Variants in DHRS11 observed in about 807,000 individuals in gnomAD.
DHRS11 encodes the protein dehydrogenase/reductase 11, also known as dehydrogenase/reductase SDR family member 11.
A neutral mutation model predicts 30.7 loss-of-function variants in DHRS11; 18 were observed. The observed-to-expected ratio is 0.59, with a 90% CI of 0.41 to 0.87. The LOEUF (loss-of-function observed/expected upper bound fraction) is 0.87, where lower values mean the gene tolerates loss of function less well. Ranked by LOEUF, DHRS11 falls within the 40% of genes least tolerant of loss-of-function variation. The pLI is 0.00. For missense variants in DHRS11, 300 were observed against 349.0 expected (o/e 0.86, Z 1.12); for synonymous variants, 123 against 139.6 (o/e 0.88, Z 0.84).
chr17:36,599,837 C>T (rs901904485), intron 5 of DHRS11, 74 bp downstream of exon 5: 2 of 1,596,264 alleles, frequency 1.3e-6, no homozygotes, highest in South Asian at 1.1e-5. Context: ...GGCCTTCAGA[C>T]TCCACTCTTC....
At chr17:36,598,694 G>A in intron 3 of DHRS11, 1 of 558,060 alleles carries the variant, frequency 1.8e-6, no homozygotes, top group Non-Finnish European at 3.2e-6. Flanking sequence ...CCAGGAGAGT[G>A]CATTCTGTCG....
rs573743009 is a variant in DHRS11, at chr17:36,600,660, CCTT to C, written c.*460_*462del. On this transcript the variant is annotated 3_prime_UTR_variant, in exon 7 of 7. Transcript: ENST00000618403. ...TGCACCCTCTCCCCCTTATCTATCT[CCTT>C]CTCGGCTCCCCAGCCCAGTCTTGGC... 9.2e-4 allele frequency: 197 copies of C among 214,432 alleles called. 2 individuals carry two copies. The highest frequency in any genetic ancestry group is 4.2e-3 in the African/African-American group (180 of 43,094). The allele number at this position is 214,432 out of a possible 1,614,324, so 13.3% of individuals were successfully genotyped here.
chr17:36,593,808 A>C (rs1027237562), intron 1 of DHRS11, among the ~76,000 whole-genome samples: 1 of 152,100 alleles, frequency 6.6e-6, no homozygotes, highest in Non-Finnish European at 1.5e-5. Context: ...AGGGCACCGC[A>C]CGCCCCTTCC....
chr17:36,598,854 G>A (rs1447580910), intron 3 of DHRS11, 67 bp from the exon 4 acceptor site: 69 of 1,547,544 alleles, frequency 4.5e-5, no homozygotes, highest in Admixed American at 1.4e-4. Context: ...GACCGGGTAC[G>A]GCAGGAGCAC....
intron 3 of DHRS11, chr17:36,598,671 A>T: frequency 1.8e-6 from 1 of 541,772 alleles, no homozygotes; most frequent in South Asian, 2.5e-5. Context: ...GAGAATTCTG[A>T]CATTCTGCAC....
rs1459151326 is a variant in DHRS11, at chr17:36,592,223, C to T, written c.147+67C>T. ...TTCCCCGGAGTCGGGTTCACCTGCCCGCCACGCCGGGGCCCTTTGCTCTAG... is the reference window on the plus strand; with the variant it reads ...TTCCCCGGAGTCGGGTTCACCTGCCTGCCACGCCGGGGCCCTTTGCTCTAG... On this transcript the variant is annotated intron_variant, in intron 1 of 6. Transcript: ENST00000618403. This position sits in a 1 kb window ranked among gnomAD's most constrained non-coding sequence, Gnocchi z 4.4. 3 of 1,233,470 alleles carry T rather than the reference C, an allele frequency of 2.4e-6. No homozygotes were observed. The highest frequency in any genetic ancestry group is 6.3e-5 in the East Asian group (2 of 31,700). 76.4% of individuals were successfully genotyped at this position (1,233,470 alleles called of 1,614,324 possible). A position where few individuals can be genotyped will look rare whatever the true frequency, so the allele number is the denominator to read the frequency against.
rs1031430597 is a variant in DHRS11 at position 36,597,810 on chromosome 17, A to G, written c.358-353A>G. 14 of 376,468 alleles carry G rather than the reference A, an allele frequency of 3.7e-5. 1 individual carries two copies. The highest frequency in any genetic ancestry group is 6.3e-5 in the Non-Finnish European group (13 of 206,418). The allele number at this position is 376,468 out of a possible 1,614,324, so 23.3% of individuals were successfully genotyped here. Reference sequence around the variant, plus strand: ...TAGGGTATTTGGGGGAAGAAATGGAAATGATTCCCTATGGAATTAGAGGGT... The same window carrying G: ...TAGGGTATTTGGGGGAAGAAATGGAGATGATTCCCTATGGAATTAGAGGGT... On this transcript the variant is annotated intron_variant, in intron 2 of 6. Transcript: ENST00000618403.
chr17:36,599,698 C>A lies in DHRS11; in HGVS notation c.610C>A (p.Gln204Lys), dbSNP rs753323059. 3.1e-6 allele frequency: 5 copies of A among 1,614,064 alleles called. No individual in the cohort carries two copies. Among genetic ancestry groups the A allele is most frequent in the Non-Finnish European group, 4.2e-6 (5 of 1,180,040 alleles). ...CATCTCTCCAGGTGTGGTGGAGACA[C>A]AATTCGCCTTCAAACTCCACGACAA... ...TCISPGVVET[Q>K]FAFKLHDKDP... Residue 204 changes from glutamine (Q) to lysine (K), a missense_variant, in exon 5 of 7, where the codon CAA becomes AAA. Transcript: ENST00000618403.
chr17:36,600,789 G>A lies in DHRS11; in HGVS notation c.*586G>A, dbSNP rs2074854367. ...GGATTTCATGGTGATCATTAAAAAAGAAAAATCGCAACCAATCTGCCTTGG... is the reference window on the plus strand; with the variant it reads ...GGATTTCATGGTGATCATTAAAAAAAAAAAATCGCAACCAATCTGCCTTGG... On this transcript the variant is annotated 3_prime_UTR_variant, in exon 7 of 7. Transcript: ENST00000618403. 1.3e-5 allele frequency: 2 copies of A among 154,654 alleles called. No individual in the cohort carries two copies. The highest frequency in any genetic ancestry group is 2.9e-5 in the Non-Finnish European group (2 of 69,794). 9.6% of individuals were successfully genotyped at this position (154,654 alleles called of 1,614,324 possible). A position where few individuals can be genotyped will look rare whatever the true frequency, so the allele number is the denominator to read the frequency against.
intron 2 of DHRS11, 55 bp downstream of exon 2, chr17:36,595,235 G>T: frequency 6.2e-7 from 1 of 1,601,038 alleles, no homozygotes; most frequent in Non-Finnish European, 8.5e-7. Context: ...AGAGAGGGGA[G>T]CCAGGGGTTT....
At chr17:36,599,950 C>A (rs1298392086) in intron 5 of DHRS11, 22 bp from the exon 6 acceptor site, 1 of 1,612,986 alleles carries the variant, frequency 6.2e-7, no homozygotes, top group Non-Finnish European at 8.5e-7. Context: ...CTTGTCTCAA[C>A]CCATTCCCCT....
intron 1 of DHRS11, among the ~76,000 whole-genome samples, chr17:36,593,734 T>C (rs1476720122): frequency 6.6e-6 from 1 of 152,214 alleles, no homozygotes; most frequent in Non-Finnish European, 1.5e-5. Context: ...CCTTTATTCC[T>C]GGCTCAGCTT....
intron 1 of DHRS11, 170 bp from the exon 2 acceptor site, chr17:36,594,801 G>A: frequency 3.1e-6 from 2 of 652,668 alleles, no homozygotes; most frequent in Non-Finnish European, 5.4e-6. Flanking sequence ...CTTAGACTTT[G>A]ACCAAAGAGG....
At chr17:36,599,826 C>T (rs1014612084) in intron 5 of DHRS11, 63 bp downstream of exon 5, 22 of 1,603,696 alleles carry the variant, frequency 1.4e-5, no homozygotes, top group Admixed American at 6.7e-5. Flanking sequence ...GAGGGAAGCT[C>T]GGCCTTCAGA....
Position 36,592,165 on chromosome 17 carries a change from G to C in DHRS11, c.147+9G>C. 7.8e-7 allele frequency: 1 copy of C among 1,276,450 alleles called. No individual in the cohort carries two copies. Among genetic ancestry groups the C allele is most frequent in the African/African-American group, 1.5e-5 (1 of 65,984 alleles). 79.1% of individuals were successfully genotyped at this position (1,276,450 alleles called of 1,614,324 possible). On this transcript the variant is annotated intron_variant, in intron 1 of 6. Transcript: ENST00000618403. The surrounding 1 kb of genome is among the most constrained non-coding windows in gnomAD (Gnocchi z 4.4). ...CTGTGGGCAACATCGAGGTGAGGCC[G>C]GGCCGAGGGCGGGGACGTCGCGGGC...
rs1292554434 is a variant in DHRS11, at chr17:36,599,543, A to T, written c.583-128A>T. 4.6e-6 allele frequency: 4 copies of T among 864,430 alleles called. No homozygotes were observed. The Admixed American group carries it at 8.8e-5, about 19-fold the overall frequency. 53.5% of individuals were successfully genotyped at this position (864,430 alleles called of 1,614,324 possible). On this transcript the variant is annotated intron_variant, in intron 4 of 6. Coordinates refer to ENST00000618403, the MANE Select transcript of DHRS11 (RefSeq NM_024308.4). ...TGCCAGTGGCAGCTTCGGAGGGAGG[A>T]GGCCGCTGCCGGATATCAGGCAGCC...
intron 2 of DHRS11, chr17:36,597,335 T>C: frequency 6.1e-6 from 1 of 163,192 alleles, no homozygotes; most frequent in Non-Finnish European, 1.3e-5. Context: ...TGGTTCCCTC[T>C]CTTCTTAAGA....
At chr17:36,598,039 C>T (rs1329024214) in intron 2 of DHRS11, 124 bp from the exon 3 acceptor site, 7 of 962,744 alleles carry the variant, frequency 7.3e-6, no homozygotes, top group African/African-American at 3.2e-5. Flanking sequence ...GGCTGGTCTC[C>T]GGGGGGACCT....
chr17:36,591,901 C>A lies in DHRS11; in HGVS notation c.-109C>A. On this transcript the variant is annotated 5_prime_UTR_variant, in exon 1 of 7. Transcript: ENST00000618403. ...GCCGGGACTCTGGTGGGTCTAGGCG[C>A]GGATCGGACCCAAGCAGGTCGGCGG... 2.6e-6 allele frequency: 3 copies of A among 1,138,950 alleles called. No individual in the cohort carries two copies. Among genetic ancestry groups the A allele is most frequent in the Non-Finnish European group, 3.3e-6 (3 of 908,754 alleles). 70.6% of individuals were successfully genotyped at this position (1,138,950 alleles called of 1,614,324 possible). A position where few individuals can be genotyped will look rare whatever the true frequency, so the allele number is the denominator to read the frequency against.
Sources: allele counts gnomAD v4.1 joint callset (sites outside exome capture counted in the v4.1 genomes callset), GRCh38; gene constraint gnomAD v4.1.1; non-coding constraint Gnocchi (gnomAD v3.1); transcripts MANE v1.5; gene names NCBI Gene and HGNC (gene_info 2026-07-23, HGNC 2026-07-21).